Variants in MEGF11 observed in about 807,000 individuals in gnomAD.
MEGF11 encodes multiple epidermal growth factor-like domains protein 11.
In MEGF11, 126 loss-of-function variants were observed where a neutral mutation model predicts 146.6. The observed-to-expected ratio is 0.86, with a 90% CI of 0.74 to 1.00. The LOEUF (loss-of-function observed/expected upper bound fraction) is 1.00, where lower values mean the gene tolerates loss of function less well. Ranked by LOEUF, MEGF11 falls within the 50% of genes least tolerant of loss-of-function variation. The pLI, the probability that MEGF11 is intolerant of heterozygous loss-of-function variation, is 0.00. For synonymous variants in MEGF11, 532 were observed against 583.4 expected, an observed-to-expected ratio of 0.91 and a Z score of 1.27; for missense variants, 1,509 against 1,521.2, an observed-to-expected ratio of 0.99 and a Z score of 0.13.
chr15:66,182,801 A>C (rs139030149), intron 1 of MEGF11, among the ~76,000 whole-genome samples: 4 of 152,312 alleles, frequency 2.6e-5, no homozygotes, highest in Admixed American at 2.0e-4. Flanking sequence ...GGCTGCAGGC[A>C]ACATGGGTCA....
chr15:66,070,733 C>T (rs563723875), intron 5 of MEGF11, among the ~76,000 whole-genome samples: 1 of 152,256 alleles, frequency 6.6e-6, no homozygotes, highest in South Asian at 2.1e-4. Flanking sequence ...CTCTCAGTCT[C>T]CTCATCTGTG....
intron 1 of MEGF11, among the ~76,000 whole-genome samples, chr15:66,219,661 A>T (rs1017423897): frequency 2.6e-5 from 4 of 151,656 alleles, no homozygotes; most frequent in Non-Finnish European, 5.9e-5. Context: ...GCAGTTTCTT[A>T]AAAAATTAAA....
chr15:66,221,929 C>A (rs965198314), intron 1 of MEGF11, among the ~76,000 whole-genome samples: 2 of 152,066 alleles, frequency 1.3e-5, no homozygotes, highest in Non-Finnish European at 2.9e-5. Flanking sequence ...TCAAGCTGGC[C>A]GGCAATAAGT....
chr15:65,916,933 G>A lies in MEGF11; in HGVS notation c.2110C>T (p.Pro704Ser). 2 of 1,539,498 alleles carry A rather than the reference G, an allele frequency of 1.3e-6. No individual in the cohort carries two copies. Among genetic ancestry groups the A allele is most frequent in the South Asian group, 2.5e-5 (2 of 81,454 alleles). Reference protein sequence around the residue: ...SQACPPGFWGPACFHACSCHN... With the variant: ...SQACPPGFWGSACFHACSCHN... ...CAGCTGCATGCGTGGAAGCAGGCGG[G>A]GCCCCAGAACCCGGGTGGGCAAGCT... The change falls in exon 17 of 26, where the codon CCC becomes TCC. Residue 704 changes from proline to serine, a missense_variant. Transcript: ENST00000395614.
intron 5 of MEGF11, among the ~76,000 whole-genome samples, chr15:66,012,900 G>T (rs1360819636): frequency 1.3e-5 from 2 of 152,238 alleles, no homozygotes; most frequent in African/African-American, 4.8e-5. Flanking sequence ...CCCGCACAGG[G>T]GTTCTGCAGT....
chr15:66,214,030 CT>C (rs11303068), intron 1 of MEGF11, among the ~76,000 whole-genome samples: 47,840 of 92,036 alleles, frequency 0.52, 10,876 homozygotes, highest in African/African-American at 0.64. Flanking sequence ...GAGCCGGCCA[CT>C]TTTTTTTTTT....
intron 1 of MEGF11, among the ~76,000 whole-genome samples, chr15:66,235,852 G>C (rs541652346): frequency 9.2e-5 from 14 of 152,298 alleles, no homozygotes; most frequent in African/African-American, 2.9e-4. Flanking sequence ...TCCATATCAA[G>C]GACAAGGACT....
At chr15:66,127,338 G>T (rs145933472) in intron 2 of MEGF11, among the ~76,000 whole-genome samples, 27 of 152,326 alleles carry the variant, frequency 1.8e-4, no homozygotes, top group African/African-American at 6.0e-4. Context: ...TCACACAAGT[G>T]CAGGCACTGT....
chr15:66,182,718 C>A (rs112549490), intron 1 of MEGF11, among the ~76,000 whole-genome samples: 1 of 152,220 alleles, frequency 6.6e-6, no homozygotes, highest in African/African-American at 2.4e-5. Flanking sequence ...CTATTCAGAT[C>A]TTCTGCCTGA....
intron 5 of MEGF11, among the ~76,000 whole-genome samples, chr15:66,085,302 C>T (rs1165896093): frequency 6.6e-6 from 1 of 152,174 alleles, no homozygotes; most frequent in Non-Finnish European, 1.5e-5. Flanking sequence ...CACCCACTAC[C>T]GGTCCCTCTC....
At chr15:66,231,504 T>C (rs1224044161) in intron 1 of MEGF11, among the ~76,000 whole-genome samples, 2 of 152,060 alleles carry the variant, frequency 1.3e-5, no homozygotes, top group Non-Finnish European at 2.9e-5. Context: ...CCACAGAGTT[T>C]CATTCTGAAG....
intron 5 of MEGF11, among the ~76,000 whole-genome samples, chr15:66,056,989 A>G (rs2084700076): frequency 6.6e-6 from 1 of 152,240 alleles, no homozygotes; most frequent in South Asian, 2.1e-4. Context: ...ATATTAAAGG[A>G]GCATTTATAA....
At chr15:66,123,791 A>T in intron 3 of MEGF11, 108 bp downstream of exon 3, 1 of 826,374 alleles carries the variant, frequency 1.2e-6, no homozygotes. Context: ...TTCAGAGTGG[A>T]GGCGCGTGAC....
intron 4 of MEGF11, among the ~76,000 whole-genome samples, chr15:66,114,968 T>C (rs2087649155): frequency 6.6e-6 from 1 of 152,236 alleles, no homozygotes; most frequent in South Asian, 2.1e-4. Flanking sequence ...CACACAGGGA[T>C]GGTCCGTCCT....
intron 4 of MEGF11, among the ~76,000 whole-genome samples, chr15:66,095,409 G>A (rs1340403877): frequency 6.6e-6 from 1 of 152,188 alleles, no homozygotes; most frequent in Non-Finnish European, 1.5e-5. Flanking sequence ...CATCAACCCT[G>A]TCAATTCCTT....
intron 10 of MEGF11, among the ~76,000 whole-genome samples, chr15:65,939,487 C>T (rs896714244): frequency 2.0e-5 from 3 of 150,596 alleles, no homozygotes; most frequent in African/African-American, 7.3e-5. Flanking sequence ...CCTTTCAGCT[C>T]CCAACTTTTT....
intron 5 of MEGF11, among the ~76,000 whole-genome samples, chr15:65,994,204 A>C (rs1567194382): frequency 6.6e-6 from 1 of 152,200 alleles, no homozygotes; most frequent in Non-Finnish European, 1.5e-5. Context: ...CCTAGGTCTC[A>C]CTGAGGAAGT....
At chr15:65,961,486 C>G (rs1268617139) in intron 9 of MEGF11, among the ~76,000 whole-genome samples, 1 of 152,220 alleles carries the variant, frequency 6.6e-6, no homozygotes, top group South Asian at 2.1e-4. Flanking sequence ...TGGAATTAGT[C>G]TATGACAACC....
chr15:65,986,793 CT>C (rs34991788), intron 5 of MEGF11, among the ~76,000 whole-genome samples: 2,435 of 121,278 alleles, frequency 0.02, 49 homozygotes, highest in East Asian at 0.19. Context: ...CTGATTTTTC[CT>C]TTTTTTTTTT....
Sources: gnomAD v4.1 joint callset for allele counts (sites outside exome capture counted in the v4.1 genomes callset) on GRCh38, gnomAD v4.1.1 for gene constraint, MANE v1.5 for transcripts, NCBI Gene and HGNC (gene_info 2026-07-23, HGNC 2026-07-21) for gene names.